SMAP1: variants seen among roughly 807,000 people sequenced by gnomAD.
SMAP1 encodes stromal membrane-associated protein 1.
A neutral mutation model predicts 58.5 loss-of-function variants in SMAP1; 24 were observed. That is an observed-to-expected ratio of 0.41 (90% CI 0.30 to 0.58). The LOEUF is 0.58. Ranked by LOEUF, SMAP1 falls within the 20% of genes least tolerant of loss-of-function variation. The pLI, the probability that SMAP1 is intolerant of heterozygous loss-of-function variation, is 0.29. For synonymous variants in SMAP1, 216 were observed against 196.6 expected, an observed-to-expected ratio of 1.10 and a Z score of -0.82; for missense variants, 563 against 566.3, an observed-to-expected ratio of 0.99 and a Z score of 0.06.
At chr6:70,725,262 G>A (rs867111215) in intron 1 of SMAP1, among the ~76,000 whole-genome samples, 3 of 151,660 alleles carry the variant, frequency 2.0e-5, no homozygotes, top group Admixed American at 1.3e-4. Flanking sequence ...GACTACAGGC[G>A]CCTGCTACCA....
intron 1 of SMAP1, among the ~76,000 whole-genome samples, chr6:70,702,120 C>T (rs1159086846): frequency 6.6e-6 from 1 of 152,102 alleles, no homozygotes; most frequent in Non-Finnish European, 1.5e-5. Context: ...CCTTTTCCCC[C>T]AGCTTCTTTT....
At chr6:70,749,231 G>A (rs1168679283) in intron 2 of SMAP1, among the ~76,000 whole-genome samples, 1 of 152,114 alleles carries the variant, frequency 6.6e-6, no homozygotes, top group African/African-American at 2.4e-5. Context: ...CAGATCTCAT[G>A]AGAACTCCCT....
intron 1 of SMAP1, among the ~76,000 whole-genome samples, chr6:70,720,319 C>T (rs1430146305): frequency 6.6e-6 from 1 of 152,156 alleles, no homozygotes; most frequent in Non-Finnish European, 1.5e-5. Flanking sequence ...AGGTGGGTTC[C>T]CATGGTCTTG....
chr6:70,858,873 A>AT (rs1223504375), intron 10 of SMAP1: 1 of 153,262 alleles, frequency 6.5e-6, no homozygotes, highest in African/African-American at 2.4e-5. Flanking sequence ...TGAACCAGAC[A>AT]TCCCCTCATA....
In SMAP1 at chr6:70,858,235, G is replaced by C. The variant is rs750920436; in HGVS notation, c.1269+6G>C. The C allele has an allele frequency of 2.7e-5, 44 of 1,602,130 alleles. No homozygotes were observed. The highest frequency in any genetic ancestry group is 3.4e-5 in the Non-Finnish European group (40 of 1,173,912). On this transcript the variant is annotated splice_donor_region_variant and intron_variant, in intron 10 of 10. Transcript: ENST00000370455. ...CCCAGTGGAGCCTCTCACAGGTAGG[G>C]GTCATTTACTTTCTAGCTTCTCCCA...
intron 1 of SMAP1, among the ~76,000 whole-genome samples, chr6:70,672,637 A>G (rs987733213): frequency 5.3e-5 from 8 of 152,304 alleles, no homozygotes; most frequent in Admixed American, 2.0e-4. Context: ...TTTTCAGGAC[A>G]TGTGGTAGGC....
intron 5 of SMAP1, among the ~76,000 whole-genome samples, chr6:70,794,176 G>A (rs907572071): frequency 6.6e-6 from 1 of 152,158 alleles, no homozygotes; most frequent in Non-Finnish European, 1.5e-5. Context: ...TGTGCATATA[G>A]CCACCAGGTT....
intron 1 of SMAP1, chr6:70,668,648 C>G (rs1766139125): frequency 6.5e-7 from 1 of 1,535,758 alleles, no homozygotes; most frequent in Admixed American, 2.0e-5. Flanking sequence ...TACCTGCCTG[C>G]CCACCTGACA....
At chr6:70,725,494 C>G (rs1768737019) in intron 1 of SMAP1, among the ~76,000 whole-genome samples, 1 of 152,052 alleles carries the variant, frequency 6.6e-6, no homozygotes. Context: ...CAGTGAAGGG[C>G]TAGTCAGTGC....
At chr6:70,747,711 G>A (rs1766103452) in intron 2 of SMAP1, among the ~76,000 whole-genome samples, 1 of 152,146 alleles carries the variant, frequency 6.6e-6, no homozygotes, top group Admixed American at 6.5e-5. Context: ...ACTTTAAGTG[G>A]TATGGATATT....
Position 70,744,256 on chromosome 6 carries a change from G to A in SMAP1, c.253-10724G>A, listed in dbSNP as rs895360302. ...TGTTACACAGGTATACATGTGCCAC[G>A]TTGGTTTGCTGCAACCCATCAACTC... On this transcript the variant is annotated intron_variant, in intron 2 of 10. Coordinates refer to ENST00000370455, the MANE Select transcript of SMAP1 (RefSeq NM_001044305.3). Among the ~76,000 whole-genome samples the A allele has an allele frequency of 4.2e-4, 64 of 151,528 alleles. No homozygotes were observed. The East Asian group carries it at 8.8e-3, about 21-fold the overall frequency.
chr6:70,668,706 G>A, intron 1 of SMAP1: 1 of 1,536,030 alleles, frequency 6.5e-7, no homozygotes, highest in Non-Finnish European at 8.7e-7. Context: ...AGAGTATGGT[G>A]GTCTTTTTCG....
chr6:70,678,178 C>T (rs1421856523), intron 1 of SMAP1, among the ~76,000 whole-genome samples: 1 of 152,178 alleles, frequency 6.6e-6, no homozygotes, highest in African/African-American at 2.4e-5. Context: ...TAATAATCTT[C>T]CATTCTCTGT....
intron 6 of SMAP1, among the ~76,000 whole-genome samples, chr6:70,830,410 T>G (rs1482269752): frequency 1.3e-5 from 2 of 152,232 alleles, no homozygotes; most frequent in Non-Finnish European, 2.9e-5. Context: ...GCATTTTTAT[T>G]CTTAAATCTT....
chr6:70,739,475 T>G (rs947743187), intron 2 of SMAP1, among the ~76,000 whole-genome samples: 1 of 152,174 alleles, frequency 6.6e-6, no homozygotes, highest in Non-Finnish European at 1.5e-5. Context: ...CACTGCAGAT[T>G]TCCTTTGCTC....
At chr6:70,716,033 A>T (rs968223176) in intron 1 of SMAP1, among the ~76,000 whole-genome samples, 1 of 152,198 alleles carries the variant, frequency 6.6e-6, no homozygotes, top group Admixed American at 6.5e-5. Flanking sequence ...ATGGTCTCCA[A>T]TCCCATCCAG....
intron 1 of SMAP1, chr6:70,694,344 C>G (rs1303323648): frequency 6.1e-6 from 1 of 163,960 alleles, no homozygotes; most frequent in Non-Finnish European, 1.3e-5. Context: ...CCATCCTGGC[C>G]CTGGTGCTGA....
At position 70,857,298 on chromosome 6, in the gene SMAP1, T is replaced by C. The variant is rs975128284; in HGVS notation, c.961+268T>C. The C allele has an allele frequency of 1.1e-5, 3 of 273,066 alleles. No homozygotes were observed. In the East Asian group the frequency reaches 1.9e-4, roughly 17 times the overall value. 16.9% of individuals were successfully genotyped at this position (273,066 alleles called of 1,614,324 possible). On this transcript the variant is annotated intron_variant, in intron 9 of 10. Coordinates refer to ENST00000370455, the MANE Select transcript of SMAP1 (RefSeq NM_001044305.3). The stretch of plus-strand genomic sequence containing the variant: ...TCACAAGCTTATAGAACATGGATTA[T>C]CTTTGATGAATTATTGAAACGATTT...
At chr6:70,690,301 A>G (rs902345631) in intron 1 of SMAP1, among the ~76,000 whole-genome samples, 1 of 152,020 alleles carries the variant, frequency 6.6e-6, no homozygotes, top group African/African-American at 2.4e-5. Flanking sequence ...TATAGTTTTT[A>G]AAATCTTTTT....
Sources: gnomAD v4.1 joint callset for allele counts (sites outside exome capture counted in the v4.1 genomes callset) on GRCh38, gnomAD v4.1.1 for gene constraint, MANE v1.5 for transcripts, NCBI Gene and HGNC (gene_info 2026-07-23, HGNC 2026-07-21) for gene names.